SUN3: variants seen among roughly 807,000 people sequenced by gnomAD.
The protein encoded by SUN3 is Sad1 and UNC84 domain containing 3.
In SUN3, 36 loss-of-function variants were observed where a neutral mutation model predicts 48.2. That is an observed-to-expected ratio of 0.75 (90% CI 0.57 to 0.99). The LOEUF is 0.99. SUN3 is among the 50% of genes least tolerant of loss of function. The probability of loss-of-function intolerance (pLI) is 0.00; values close to 1 mark genes in which losing one functional copy is unlikely to be tolerated. For missense variants in SUN3, 419 were observed against 433.1 expected, an observed-to-expected ratio of 0.97 and a Z score of 0.29; for synonymous variants, 148 against 147.9, an observed-to-expected ratio of 1.00 and a Z score of 0.00.
intron 6 of SUN3, among the ~76,000 whole-genome samples, chr7:48,002,299 A>C (rs1273212923): frequency 1.4e-5 from 2 of 143,486 alleles, no homozygotes; most frequent in African/African-American, 6.0e-5. Flanking sequence ...AGCTGGGACC[A>C]CAGGCGCCCG....
chr7:48,015,600 G>A (rs1789789806), intron 3 of SUN3, among the ~76,000 whole-genome samples: 1 of 152,184 alleles, frequency 6.6e-6, no homozygotes, highest in African/African-American at 2.4e-5. Context: ...TCAGGCCTAA[G>A]GCCACTGACT....
At chr7:48,018,231 T>C (rs2128781112) in intron 2 of SUN3, among the ~76,000 whole-genome samples, 1 of 151,996 alleles carries the variant, frequency 6.6e-6, no homozygotes, top group East Asian at 1.9e-4. Flanking sequence ...ACTGAGAGAG[T>C]AATCTCTGTC....
At chr7:48,002,923 G>A (rs1468342127) in intron 6 of SUN3, among the ~76,000 whole-genome samples, 1 of 152,122 alleles carries the variant, frequency 6.6e-6, no homozygotes, top group Non-Finnish European at 1.5e-5. Flanking sequence ...CTATTTGGAT[G>A]CGCTTTATTT....
intron 2 of SUN3, among the ~76,000 whole-genome samples, chr7:48,023,025 C>A (rs866620834): frequency 5.9e-5 from 9 of 152,074 alleles, no homozygotes; most frequent in Admixed American, 2.0e-4. Context: ...CTTCAGGCTG[C>A]AGTGAAAGGA....
At chr7:48,028,596 G>A (rs892075932) in intron 1 of SUN3, among the ~76,000 whole-genome samples, 4 of 150,178 alleles carry the variant, frequency 2.7e-5, no homozygotes, top group Admixed American at 2.0e-4. Flanking sequence ...CTTCTCCCAA[G>A]TCTGCTGTTA....
chr7:48,020,281 A>G (rs1438331816), intron 2 of SUN3, among the ~76,000 whole-genome samples: 2 of 149,206 alleles, frequency 1.3e-5, no homozygotes, highest in South Asian at 2.1e-4. Context: ...TAAAAACCCT[A>G]AAAAAAACTG....
chr7:48,009,094 G>T lies in SUN3; in HGVS notation c.289-19C>A, dbSNP rs761212677. On this transcript the variant is annotated intron_variant, in intron 3 of 9. Transcript: ENST00000297325. ...GTCTGGCCTGAAAACAACAGAAAAA[G>T]ATAAATCATTCTGAATTCTGCTTAT... is the stretch of plus-strand genomic sequence containing the variant. 8 of 1,604,908 alleles carry T rather than the reference G, an allele frequency of 5.0e-6. No homozygotes were observed. In the Admixed American group the frequency reaches 1.4e-4, roughly 28 times the overall value.
upstream of SUN3, among the ~76,000 whole-genome samples, chr7:48,031,375 A>C (rs1790254236): frequency 6.6e-6 from 1 of 152,198 alleles, no homozygotes; most frequent in Admixed American, 6.5e-5. Flanking sequence ...AAAAAAGATA[A>C]ACAGCTAGTG....
At chr7:48,026,269 G>A (rs1022579319) in intron 1 of SUN3, among the ~76,000 whole-genome samples, 3 of 151,714 alleles carry the variant, frequency 2.0e-5, no homozygotes, top group Non-Finnish European at 2.9e-5. Context: ...TTTTCTGGAG[G>A]TCTCAAATGT....
intron 1 of SUN3, 41 bp from the exon 2 acceptor site, chr7:48,025,979 A>G (rs779641108): frequency 5.7e-6 from 8 of 1,394,314 alleles, no homozygotes; most frequent in Non-Finnish European, 8.0e-6. Context: ...GAATTTAACA[A>G]CATCATGCAT....
At chr7:47,987,870 A>G (rs1274725223) in intron 9 of SUN3, among the ~76,000 whole-genome samples, 1 of 152,172 alleles carries the variant, frequency 6.6e-6, no homozygotes, top group Non-Finnish European at 1.5e-5. Context: ...CTATTTTCAA[A>G]TATCAGTCTA....
chr7:47,999,502 CTT>C (rs35195032), intron 6 of SUN3, among the ~76,000 whole-genome samples: 2 of 151,952 alleles, frequency 1.3e-5, no homozygotes, highest in Non-Finnish European at 2.9e-5. Context: ...CCTTTCCTGC[CTT>C]TTTTTAAATA....
At chr7:47,990,998 A>G (rs1385910971) in intron 8 of SUN3, 3 of 455,686 alleles carry the variant, frequency 6.6e-6, no homozygotes, top group Non-Finnish European at 4.4e-6. Flanking sequence ...CCTGTTGGGT[A>G]TTACTACTTA....
chr7:48,006,654 C>T (rs1387145621), intron 5 of SUN3, among the ~76,000 whole-genome samples: 2 of 152,170 alleles, frequency 1.3e-5, no homozygotes, highest in African/African-American at 4.8e-5. Context: ...GAAATGGGGT[C>T]TGGAGGGCGG....
intron 8 of SUN3, chr7:47,991,082 CA>C (rs2128769730): frequency 2.2e-6 from 1 of 453,350 alleles, no homozygotes; most frequent in East Asian, 7.0e-5. Context: ...AAATAAACAA[CA>C]AAACAAAACA....
In SUN3 at chr7:48,001,531, GTTTTTTTTT is replaced by G. The variant is rs1166666161; in HGVS notation, c.577+4429_577+4437del. ...GTTCCATGTCTTTTCTGTTTTTTTTGTTTTTTTTTTTTTTTTTTTTGAGACAGAGTCTCG... is the reference window on the plus strand; with the variant it reads ...GTTCCATGTCTTTTCTGTTTTTTTTGTTTTTTTTTTTGAGACAGAGTCTCG... On this transcript the variant is annotated intron_variant, in intron 6 of 9. Transcript: ENST00000297325. Among the ~76,000 whole-genome samples, 39 of 110,516 alleles carry G rather than the reference GTTTTTTTTT, an allele frequency of 3.5e-4. No homozygotes were observed. In the East Asian group the frequency reaches 4.9e-3, roughly 14 times the overall value. 72.5% of individuals were successfully genotyped at this position (110,516 alleles called of 152,430 possible).
At position 48,025,951 on chromosome 7, in the gene SUN3, A is replaced by G. The variant is rs1346365060; in HGVS notation, c.123-13T>C. On this transcript the variant is annotated splice_polypyrimidine_tract_variant and intron_variant, in intron 1 of 9. Transcript: ENST00000297325. ...TGATCGAGTTACCCTAAAAGAATAAAAACAATGATTAGAAAAAGAATTTAA... is the reference window on the plus strand; with the variant it reads ...TGATCGAGTTACCCTAAAAGAATAAGAACAATGATTAGAAAAAGAATTTAA... The G allele has an allele frequency of 1.9e-6, 3 of 1,565,292 alleles. No individual in the cohort carries two copies. Among genetic ancestry groups the G allele is most frequent in the Non-Finnish European group, 2.6e-6 (3 of 1,142,054 alleles).
chr7:48,020,245 G>A (rs1789954245), intron 2 of SUN3, among the ~76,000 whole-genome samples: 1 of 151,952 alleles, frequency 6.6e-6, no homozygotes, highest in Non-Finnish European at 1.5e-5. Flanking sequence ...AAAGGCATTT[G>A]GATAAAATTC....
At chr7:47,990,425 T>TC (rs374873077) in intron 8 of SUN3, among the ~76,000 whole-genome samples, 1 of 144,494 alleles carries the variant, frequency 6.9e-6, no homozygotes, top group African/African-American at 2.5e-5. Flanking sequence ...TCCTGCCACA[T>TC]CCCCCCTCTC....
Sources: gnomAD v4.1 joint callset for allele counts (sites outside exome capture counted in the v4.1 genomes callset) on GRCh38, gnomAD v4.1.1 for gene constraint, MANE v1.5 for transcripts, NCBI Gene and HGNC (gene_info 2026-07-23, HGNC 2026-07-21) for gene names.